The following NR3C2 variants were observed in gnomAD, a reference collection of about 807,000 sequenced individuals.
NR3C2 encodes the protein nuclear receptor subfamily 3 group C member 2, also known as mineralocorticoid receptor.
Under a neutral mutation model 86.4 loss-of-function variants are expected in NR3C2, and 15 were observed. The observed-to-expected ratio is 0.17, with a 90% confidence interval of 0.12 to 0.27. The LOEUF (loss-of-function observed/expected upper bound fraction) is 0.27, where lower values mean the gene tolerates loss of function less well. Among genes scored for constraint, NR3C2 ranks in the 10% least tolerant of loss-of-function variants. NR3C2 has a pLI of 1.00. For missense variants in NR3C2, 960 were observed against 1,195.6 expected, an observed-to-expected ratio of 0.80 and a Z score of 2.91; for synonymous variants, 458 against 450.5, an observed-to-expected ratio of 1.02 and a Z score of -0.21.
intron 2 of NR3C2, among the ~76,000 whole-genome samples, chr4:148,269,873 A>G (rs1475050381): frequency 6.6e-6 from 1 of 152,204 alleles, no homozygotes; most frequent in Non-Finnish European, 1.5e-5. Context: ...TTATTCATAA[A>G]TACAGTGGCT....
At chr4:148,281,904 T>C (rs1741265618) in intron 2 of NR3C2, among the ~76,000 whole-genome samples, 1 of 152,240 alleles carries the variant, frequency 6.6e-6, no homozygotes, top group Non-Finnish European at 1.5e-5. Context: ...AATGGAGTCA[T>C]GGAAACAGTC....
At chr4:148,397,150 T>G (rs1747899148) in intron 2 of NR3C2, among the ~76,000 whole-genome samples, 1 of 152,208 alleles carries the variant, frequency 6.6e-6, no homozygotes, top group South Asian at 2.1e-4. Context: ...TGATGGGAAA[T>G]GTGGCCAGCA....
chr4:148,418,052 G>A (rs1749097114), intron 2 of NR3C2, among the ~76,000 whole-genome samples: 1 of 152,122 alleles, frequency 6.6e-6, no homozygotes, highest in African/African-American at 2.4e-5. Context: ...TAATATTGAT[G>A]TTTGTGAATG....
intron 6 of NR3C2, among the ~76,000 whole-genome samples, chr4:148,120,998 T>C (rs61764259): frequency 4.4e-4 from 67 of 152,362 alleles, no homozygotes; most frequent in Non-Finnish European, 7.5e-4. Flanking sequence ...AAGTCATTAT[T>C]TTCTCTTTTC....
chr4:148,133,115 C>G (rs776291047), intron 6 of NR3C2, among the ~76,000 whole-genome samples: 1 of 151,572 alleles, frequency 6.6e-6, no homozygotes, highest in Non-Finnish European at 1.5e-5. Context: ...ATCACCTGAG[C>G]CCAGGAAGCT....
chr4:148,142,111 G>A (rs1733640338), intron 6 of NR3C2, among the ~76,000 whole-genome samples: 1 of 152,206 alleles, frequency 6.6e-6, no homozygotes. Flanking sequence ...TTTGGCTGGT[G>A]TGGAGTATAT....
chr4:148,368,285 G>C (rs1746250013), intron 2 of NR3C2: 1 of 152,078 alleles, frequency 6.6e-6, no homozygotes, highest in East Asian at 1.9e-4. Context: ...TTGTACACTT[G>C]CGGTTTCAGC....
intron 2 of NR3C2, among the ~76,000 whole-genome samples, chr4:148,430,307 AGAT>A (rs1048213837): frequency 2.6e-5 from 4 of 152,166 alleles, no homozygotes; most frequent in African/African-American, 9.6e-5. Flanking sequence ...CCAATATTTT[AGAT>A]GATAAGAGGC....
At chr4:148,349,139 G>A (rs1745145392) in intron 2 of NR3C2, among the ~76,000 whole-genome samples, 1 of 152,028 alleles carries the variant, frequency 6.6e-6, no homozygotes, top group South Asian at 2.1e-4. Flanking sequence ...AACATCACAG[G>A]CCTGAAGCAG....
chr4:148,255,821 T>C (rs1384116423), intron 3 of NR3C2, among the ~76,000 whole-genome samples: 1 of 152,054 alleles, frequency 6.6e-6, no homozygotes, highest in Non-Finnish European at 1.5e-5. Flanking sequence ...ACTAAGAAAG[T>C]CAAAATTCAG....
intron 2 of NR3C2, among the ~76,000 whole-genome samples, chr4:148,331,181 G>C (rs1008784260): frequency 7.5e-6 from 1 of 132,728 alleles, no homozygotes; most frequent in South Asian, 2.5e-4. Flanking sequence ...TACTTGACAA[G>C]TGCAAAAGGA....
intron 2 of NR3C2, among the ~76,000 whole-genome samples, chr4:148,345,831 A>G (rs1296768827): frequency 2.0e-5 from 3 of 152,062 alleles, no homozygotes; most frequent in Admixed American, 6.6e-5. Context: ...CACTACACAT[A>G]TGGTAGAGCA....
chr4:148,435,677 A>G lies in NR3C2; in HGVS notation c.1184T>C (p.Val395Ala), dbSNP rs1436479198. Reference protein sequence around the residue: ...SNGVTGQLNIVQYIKPEPDGA... With the variant: ...SNGVTGQLNIAQYIKPEPDGA... ...ATCTGGTTCTGGTTTTATGTACTGG[A>G]CAATATTAAGCTGGCCAGTCACACC... The change falls in exon 2 of 9, where the codon GTC (valine) becomes GCC (alanine). Residue 395 changes from valine to alanine, a missense_variant. Transcript: ENST00000358102. 1.2e-6 allele frequency: 2 copies of G among 1,614,030 alleles called. No individual in the cohort carries two copies. Among genetic ancestry groups the G allele is most frequent in the Non-Finnish European group, 1.7e-6 (2 of 1,180,036 alleles).
At chr4:148,208,546 G>A (rs4835505) in intron 3 of NR3C2, 106,802 of 152,204 alleles carry the variant, frequency 0.7, 37,700 homozygotes, top group African/African-American at 0.78. Context: ...TGACTCCCTC[G>A]AAAGCCCAGT....
At chr4:148,156,632 A>C (rs879471415) in intron 4 of NR3C2, among the ~76,000 whole-genome samples, 2 of 152,124 alleles carry the variant, frequency 1.3e-5, no homozygotes, top group African/African-American at 4.8e-5. Context: ...TTAGAATGGC[A>C]ATCATTAAAA....
chr4:148,218,116 A>C (rs1266616222), intron 3 of NR3C2, among the ~76,000 whole-genome samples: 3 of 152,212 alleles, frequency 2.0e-5, no homozygotes, highest in Non-Finnish European at 4.4e-5. Context: ...CTCTTAAGAC[A>C]CTAGGAGTCC....
intron 2 of NR3C2, among the ~76,000 whole-genome samples, chr4:148,321,487 C>G (rs1029294631): frequency 3.3e-5 from 5 of 151,904 alleles, no homozygotes; most frequent in Admixed American, 6.6e-5. Flanking sequence ...GTGTTAAAAT[C>G]TCCCATTATT....
chr4:148,402,177 C>G (rs571317132), intron 2 of NR3C2, among the ~76,000 whole-genome samples: 1 of 152,128 alleles, frequency 6.6e-6, no homozygotes, highest in Non-Finnish European at 1.5e-5. Flanking sequence ...ACAAGCCTCA[C>G]GGACAGTAGA....
intron 2 of NR3C2, among the ~76,000 whole-genome samples, chr4:148,306,016 A>G (rs1385019162): frequency 6.6e-6 from 1 of 152,166 alleles, no homozygotes; most frequent in Non-Finnish European, 1.5e-5. Context: ...CTATTTTGAA[A>G]CAGACTATTC....
Sources: allele counts gnomAD v4.1 joint callset (sites outside exome capture counted in the v4.1 genomes callset), GRCh38; gene constraint gnomAD v4.1.1; transcripts MANE v1.5; gene names NCBI Gene and HGNC (gene_info 2026-07-23, HGNC 2026-07-21).